IL1RAPL1: variants seen among roughly 807,000 people sequenced by gnomAD.
IL1RAPL1 encodes interleukin 1 receptor accessory protein like 1.
Under a neutral mutation model 48.4 loss-of-function variants are expected in IL1RAPL1, and 3 were observed. The ratio of observed to expected loss-of-function variants is 0.06; its 90% CI spans 0.03 to 0.16. IL1RAPL1 has a LOEUF of 0.16. Ranked by LOEUF, IL1RAPL1 falls within the 10% of genes least tolerant of loss-of-function variation. IL1RAPL1 has a pLI of 1.00. For missense variants in IL1RAPL1, 349 were observed against 530.6 expected, an observed-to-expected ratio of 0.66 and a Z score of 3.36; for synonymous variants, 185 against 187.7, an observed-to-expected ratio of 0.99 and a Z score of 0.12.
At chrX:28,775,198 G>A (rs758051011) in intron 1 of IL1RAPL1, among the ~76,000 whole-genome samples, 5 of 111,474 alleles carry the variant, frequency 4.5e-5, no homozygotes, top group African/African-American at 1.3e-4. Flanking sequence ...CCACAAACAG[G>A]GTAGCTTGAA....
Position 29,480,291 on chromosome X carries a change from C to CATATATATATATATAT in IL1RAPL1, c.703+80994_703+81009dup, listed in dbSNP as rs61703733. 5.5e-3 allele frequency among the ~76,000 whole-genome samples: 422 copies of CATATATATATATATAT among 76,529 alleles called. 6 individuals carry two copies. The highest frequency in any genetic ancestry group is 0.017 in the African/African-American group (280 of 16,433). 66.5% of individuals were successfully genotyped at this position (76,529 alleles called of 115,157 possible). A position where few individuals can be genotyped will look rare whatever the true frequency, so the allele number is the denominator to read the frequency against. ...TGATATATGTATACACACACATATA[C>CATATATATATATATAT]ATATATATATATATATATATATATA... On this transcript the variant is annotated intron_variant, in intron 5 of 10. Transcript: ENST00000378993.
At chrX:28,972,607 C>T (rs1039772597) in intron 2 of IL1RAPL1, among the ~76,000 whole-genome samples, 1 of 110,627 alleles carries the variant, frequency 9.0e-6, no homozygotes, top group Non-Finnish European at 1.9e-5. Context: ...GGCGTGGTGG[C>T]GGGTGCCTGT....
rs183386482 is a variant in IL1RAPL1, at chrX:29,774,612, T to C, written c.778+106108T>C. Among the ~76,000 whole-genome samples the C allele has an allele frequency of 4.7e-3, 522 of 112,184 alleles. 4 individuals are homozygous for C. Among genetic ancestry groups the C allele is most frequent in the African/African-American group, 0.016 (499 of 30,960 alleles). On this transcript the variant is annotated intron_variant, in intron 6 of 10. Coordinates refer to ENST00000378993, the MANE Select transcript of IL1RAPL1 (RefSeq NM_014271.4). ...TTTTATACGTAAAATTTCTTCAATA[T>C]ACAAAGAATTGTTTGTTATAAATTT...
intron 2 of IL1RAPL1, among the ~76,000 whole-genome samples, chrX:29,154,483 T>C (rs225058): frequency 0.37 from 39,868 of 108,177 alleles, 6,620 homozygotes; most frequent in Non-Finnish European, 0.51. Context: ...GAGGTTGCAG[T>C]GAGCCAAGAT....
intron 2 of IL1RAPL1, among the ~76,000 whole-genome samples, chrX:29,004,332 A>G (rs942141704): frequency 4.8e-4 from 54 of 112,464 alleles, no homozygotes; most frequent in African/African-American, 1.7e-3. Flanking sequence ...TGTATACTCT[A>G]ACAAAGTAGA....
chrX:28,961,022 A>C (rs1200947826), intron 2 of IL1RAPL1, among the ~76,000 whole-genome samples: 1 of 107,887 alleles, frequency 9.3e-6, no homozygotes, highest in Non-Finnish European at 1.9e-5. Context: ...AAAAAAAAAA[A>C]AAAAAAAAAA....
intron 6 of IL1RAPL1, among the ~76,000 whole-genome samples, chrX:29,819,138 A>G (rs16988771): frequency 0.029 from 3,242 of 111,755 alleles, 102 homozygotes; most frequent in African/African-American, 0.1. Context: ...AAATATTCAC[A>G]TGCATGAATG....
At chrX:29,201,153 G>A (rs1274076001) in intron 2 of IL1RAPL1, among the ~76,000 whole-genome samples, 1 of 111,349 alleles carries the variant, frequency 9.0e-6, no homozygotes, top group Non-Finnish European at 1.9e-5. Flanking sequence ...CCAATGCCTA[G>A]AGTCTATAAT....
intron 5 of IL1RAPL1, among the ~76,000 whole-genome samples, chrX:29,478,169 G>A (rs1308402068): frequency 8.9e-6 from 1 of 112,038 alleles, no homozygotes; most frequent in Non-Finnish European, 1.9e-5. Flanking sequence ...GTTATCATAA[G>A]TTTAACACAC....
chrX:29,891,182 T>C (rs1374811615), intron 6 of IL1RAPL1, among the ~76,000 whole-genome samples: 1 of 111,491 alleles, frequency 9.0e-6, no homozygotes, highest in African/African-American at 3.3e-5. Context: ...CAAGCTGCCT[T>C]CTATTTTTTA....
At chrX:28,955,066 TC>T (rs1243320801) in intron 2 of IL1RAPL1, among the ~76,000 whole-genome samples, 1 of 112,049 alleles carries the variant, frequency 8.9e-6, no homozygotes, top group East Asian at 2.8e-4. Flanking sequence ...TATGCAGAAA[TC>T]CTTGATGGAT....
chrX:29,170,231 A>G (rs1010532130), intron 2 of IL1RAPL1, among the ~76,000 whole-genome samples: 1 of 111,675 alleles, frequency 9.0e-6, no homozygotes, highest in East Asian at 2.8e-4. Flanking sequence ...CTTTCAATTC[A>G]TGTAGAAATC....
At chrX:29,819,670 ACTT>A (rs915829187) in intron 6 of IL1RAPL1, among the ~76,000 whole-genome samples, 2 of 110,149 alleles carry the variant, frequency 1.8e-5, no homozygotes, top group African/African-American at 6.6e-5. Context: ...ATTGAGATAA[ACTT>A]ATATTTCCGA....
chrX:29,258,571 A>T (rs184911906), intron 2 of IL1RAPL1, among the ~76,000 whole-genome samples: 2 of 111,389 alleles, frequency 1.8e-5, no homozygotes, highest in East Asian at 5.6e-4. Flanking sequence ...AAGTACTCAA[A>T]TATAATAAAG....
chrX:29,129,692 T>C (rs1928979714), intron 2 of IL1RAPL1, among the ~76,000 whole-genome samples: 1 of 102,535 alleles, frequency 9.8e-6, no homozygotes, highest in African/African-American at 3.6e-5. Context: ...CCTCCTGGGT[T>C]CACGCCATTC....
rs1253310594 is a variant in IL1RAPL1, at chrX:28,831,024, CTCTGTGTG to C, written c.82+41601_82+41608del. The stretch of plus-strand genomic sequence containing the variant: ...TCTCTCTCTCTCTCTCTCTCTCTCT[CTCTGTGTG>C]TGTGTGTGTGTGTGTGTGTGTGTGT... On this transcript the variant is annotated intron_variant, in intron 2 of 10. Transcript: ENST00000378993. 4.9e-4 allele frequency among the ~76,000 whole-genome samples: 29 copies of C among 59,229 alleles called. No homozygotes were observed. The East Asian group carries it at 7.3e-3, about 15-fold the overall frequency. 51.4% of individuals were successfully genotyped at this position (59,229 alleles called of 115,157 possible).
intron 5 of IL1RAPL1, among the ~76,000 whole-genome samples, chrX:29,535,532 G>A (rs1373441422): frequency 9.0e-6 from 1 of 111,603 alleles, no homozygotes; most frequent in Non-Finnish European, 1.9e-5. Context: ...AAAAGCCTGG[G>A]AATTTCCTGT....
chrX:28,956,968 A>G (rs201742402), intron 2 of IL1RAPL1, among the ~76,000 whole-genome samples: 6,503 of 109,902 alleles, frequency 0.059, 331 homozygotes, highest in East Asian at 0.35. Flanking sequence ...CAGAGATTCA[A>G]CTTCTTCCTG....
At chrX:29,586,674 C>A (rs762202804) in intron 5 of IL1RAPL1, among the ~76,000 whole-genome samples, 12 of 110,847 alleles carry the variant, frequency 1.1e-4, no homozygotes, top group Admixed American at 7.7e-4. Flanking sequence ...TCCATGAACA[C>A]GGATATCTAT....
Sources: gnomAD v4.1 joint callset for allele counts (sites outside exome capture counted in the v4.1 genomes callset) on GRCh38, gnomAD v4.1.1 for gene constraint, MANE v1.5 for transcripts, NCBI Gene and HGNC (gene_info 2026-07-23, HGNC 2026-07-21) for gene names.